The following UTRN variants were observed in gnomAD, a reference collection of about 807,000 sequenced individuals.
UTRN encodes the protein dystrophin-related protein 1.
A neutral mutation model predicts 463.9 loss-of-function variants in UTRN; 283 were observed. That is an observed-to-expected ratio of 0.61 (90% confidence interval 0.55 to 0.67). UTRN has a LOEUF of 0.67. Ranked by LOEUF, UTRN falls within the 30% of genes least tolerant of loss-of-function variation. The probability of loss-of-function intolerance (pLI) is 0.00; values close to 1 mark genes in which losing one functional copy is unlikely to be tolerated. For synonymous variants in UTRN, 1,442 were observed against 1,431.5 expected (o/e 1.01, Z -0.17); for missense variants, 3,922 against 4,084.3 (o/e 0.96, Z 1.08).
chr6:144,638,893 C>T lies in UTRN; in HGVS notation c.7480-39513C>T, dbSNP rs571863223. Among the ~76,000 whole-genome samples, 12 of 152,060 alleles carry T rather than the reference C, an allele frequency of 7.9e-5. No individual in the cohort carries two copies. In the East Asian group the frequency reaches 1.9e-3, roughly 24 times the overall value. On this transcript the variant is annotated intron_variant, in intron 51 of 74. Transcript: ENST00000367545. ...TTCAAGACCAGCATGAGCAACATAA[C>T]GAGACCCCGATCTCTAAGAAATTTT...
chr6:144,665,998 G>T (rs182003618), intron 51 of UTRN, among the ~76,000 whole-genome samples: 234 of 152,266 alleles, frequency 1.5e-3, no homozygotes, highest in Admixed American at 4.0e-3. Context: ...CTTCAAGATG[G>T]ATTACATTCC....
chr6:144,291,877 G>A lies in UTRN; in HGVS notation c.49G>A (p.Glu17Lys), dbSNP rs764071312. The change falls in exon 2 of 75, where the codon GAA becomes AAA. Residue 17 changes from glutamate (E) to lysine (K), a missense_variant. Around this residue, in one of 3 missense-constraint regions of UTRN, gnomAD observed 264 missense variants for 327.9 expected, o/e 0.81. Transcript: ENST00000367545. ...AGCCAGTCCTGACAATGGGCAGAAC[G>A]AATTCAGTGATATCATTAAGTCCAG... ...HEASPDNGQN[E>K]FSDIIKSRSD... The A allele has an allele frequency of 3.1e-6, 5 of 1,613,132 alleles. No homozygotes were observed. Among genetic ancestry groups the A allele is most frequent in the Middle Eastern group, 3.3e-4 (2 of 6,060 alleles).
At chr6:144,836,658 G>A (rs930418298) in intron 71 of UTRN, 117 bp downstream of exon 71, 99 of 1,436,830 alleles carry the variant, frequency 6.9e-5, no homozygotes, top group East Asian at 3.7e-4. Context: ...TCTTACCTCC[G>A]TAGTTAATTC....
intron 54 of UTRN, among the ~76,000 whole-genome samples, chr6:144,745,714 A>T (rs1234496309): frequency 6.6e-6 from 1 of 152,206 alleles, no homozygotes; most frequent in Non-Finnish European, 1.5e-5. Context: ...TCCCTGTGCC[A>T]AGTTATTTAA....
At chr6:144,829,709 T>TA (rs76736169) in intron 69 of UTRN, among the ~76,000 whole-genome samples, 6,841 of 135,706 alleles carry the variant, frequency 0.05, 159 homozygotes, top group South Asian at 0.068. Flanking sequence ...GTGTTTTCAC[T>TA]AAAAAAAAAA....
chr6:144,726,297 C>T (rs1030103780), intron 53 of UTRN, among the ~76,000 whole-genome samples: 9 of 152,142 alleles, frequency 5.9e-5, no homozygotes, highest in Non-Finnish European at 1.3e-4. Flanking sequence ...CAGCTGCTAC[C>T]GCTCTCTGAG....
Position 144,474,765 on chromosome 6 carries a change from T to C in UTRN, c.3336+6T>C. 6.2e-7 allele frequency: 1 copy of C among 1,609,010 alleles called. No homozygotes were observed. Among genetic ancestry groups the C allele is most frequent in the African/African-American group, 1.3e-5 (1 of 74,232 alleles). On this transcript the variant is annotated splice_donor_region_variant and intron_variant, in intron 25 of 74. Coordinates refer to ENST00000367545, the MANE Select transcript of UTRN (RefSeq NM_007124.3). ...TGGAGAAACTTAGCAAGGAGGTGAG[T>C]TTTTCAACTTTACTACCTACGGTTT...
At chr6:144,531,256 G>T (rs1220417155) in intron 42 of UTRN, 54 bp downstream of exon 42, 18 of 1,450,832 alleles carry the variant, frequency 1.2e-5, no homozygotes, top group Non-Finnish European at 1.7e-5. Flanking sequence ...GTGTATGCCT[G>T]TTAAGACAGA....
In UTRN at chr6:144,694,775, CTT is replaced by C. The variant is rs560673626; in HGVS notation, c.7653-5309_7653-5308del. ...GATTGCATTTATTTGAGTCTTCTCT[CTT>C]TTCTTCTTTATTAGTCTTGCTAGCA... On this transcript the variant is annotated intron_variant, in intron 52 of 74. Coordinates refer to ENST00000367545, the MANE Select transcript of UTRN (RefSeq NM_007124.3). Among the ~76,000 whole-genome samples the C allele has an allele frequency of 3.9e-3, 598 of 152,056 alleles. 3 individuals are homozygous for C. Among genetic ancestry groups the C allele is most frequent in the Non-Finnish European group, 4.5e-3 (309 of 67,990 alleles).
intron 2 of UTRN, among the ~76,000 whole-genome samples, chr6:144,389,851 G>A (rs897985571): frequency 1.3e-5 from 2 of 152,160 alleles, no homozygotes; most frequent in East Asian, 1.9e-4. Flanking sequence ...CGCCCATCCT[G>A]GCCTCCCAAA....
At chr6:144,471,426 A>G in intron 23 of UTRN, among the ~76,000 whole-genome samples, 1 of 152,234 alleles carries the variant, frequency 6.6e-6, no homozygotes, top group Admixed American at 6.5e-5. Flanking sequence ...TTTCCCAGTT[A>G]TACAGCAGTA....
At chr6:144,342,096 T>G (rs1777178094) in intron 2 of UTRN, among the ~76,000 whole-genome samples, 1 of 152,222 alleles carries the variant, frequency 6.6e-6, no homozygotes, top group African/African-American at 2.4e-5. Context: ...AAGATGGGTT[T>G]CGATAGCCAT....
In UTRN at chr6:144,724,519, G is replaced by A. The variant is rs189903083; in HGVS notation, c.7810-5838G>A. Among the ~76,000 whole-genome samples, 70 of 152,062 alleles carry A rather than the reference G, an allele frequency of 4.6e-4. No homozygotes were observed. In the Middle Eastern group the frequency reaches 0.01, roughly 22 times the overall value. On this transcript the variant is annotated intron_variant, in intron 53 of 74. Transcript: ENST00000367545. ...TGGGATTACAGGCATGAGCCACTGC[G>A]CCTGGCCCATAACTTTTTTATATTC...
chr6:144,462,104 C>T (rs909772906), intron 22 of UTRN, among the ~76,000 whole-genome samples: 1 of 152,046 alleles, frequency 6.6e-6, no homozygotes, highest in Admixed American at 6.5e-5. Flanking sequence ...TTTTCCCCAC[C>T]ATGTGTCCGT....
chr6:144,449,361 C>T (rs557280765), intron 17 of UTRN, among the ~76,000 whole-genome samples: 295 of 152,284 alleles, frequency 1.9e-3, no homozygotes, highest in Middle Eastern at 3.4e-3. Flanking sequence ...CACTTCTCTT[C>T]CCCTGGTGCT....
intron 9 of UTRN, among the ~76,000 whole-genome samples, chr6:144,434,513 A>C (rs1342503197): frequency 6.6e-6 from 1 of 152,152 alleles, no homozygotes; most frequent in African/African-American, 2.4e-5. Flanking sequence ...TCTGAGGAGG[A>C]ACAAGCTTTG....
At chr6:144,341,238 C>T (rs1777117906) in intron 2 of UTRN, among the ~76,000 whole-genome samples, 2 of 152,132 alleles carry the variant, frequency 1.3e-5, no homozygotes, top group Non-Finnish European at 2.9e-5. Context: ...ATACATGTTG[C>T]AAGGCCCAAG....
chr6:144,544,545 T>C (rs1798235446), intron 46 of UTRN, among the ~76,000 whole-genome samples: 1 of 152,110 alleles, frequency 6.6e-6, no homozygotes, highest in South Asian at 2.1e-4. Flanking sequence ...TTTTTGAGGT[T>C]CATCCTTGCC....
In UTRN at chr6:144,698,880, A is replaced by C. The variant is rs191808033; in HGVS notation, c.7653-1207A>C. 4.7e-3 allele frequency among the ~76,000 whole-genome samples: 716 copies of C among 152,354 alleles called. 4 individuals are homozygous for C. The highest frequency in any genetic ancestry group is 0.017 in the African/African-American group (691 of 41,584). On this transcript the variant is annotated intron_variant, in intron 52 of 74. Coordinates refer to ENST00000367545, the MANE Select transcript of UTRN (RefSeq NM_007124.3). ...GAAGGTGCATTTCTGTGTTAAATGC[A>C]GAAATTATTATTGAAACAAAGACCT...
Sources: gnomAD v4.1 joint callset for allele counts (sites outside exome capture counted in the v4.1 genomes callset) on GRCh38, gnomAD v4.1.1 for gene constraint, gnomAD v4.1.1 regional missense constraint, MANE v1.5 for transcripts, NCBI Gene and HGNC (gene_info 2026-07-23, HGNC 2026-07-21) for gene names.